Variants in MYO18B observed in about 807,000 individuals in gnomAD.
The protein encoded by MYO18B is unconventional myosin-XVIIIb.
In MYO18B, 204 loss-of-function variants were observed where a neutral mutation model predicts 273.0. That is an observed-to-expected ratio of 0.75 (90% CI 0.67 to 0.84). The LOEUF (loss-of-function observed/expected upper bound fraction) is 0.84. Ranked by LOEUF, MYO18B falls within the 40% of genes least tolerant of loss-of-function variation. The pLI, the probability that MYO18B is intolerant of heterozygous loss-of-function variation, is 0.00. For missense variants in MYO18B, 3,212 were observed against 3,287.6 expected, an observed-to-expected ratio of 0.98 and a Z score of 0.56; for synonymous variants, 1,330 against 1,305.7, an observed-to-expected ratio of 1.02 and a Z score of -0.40.
In MYO18B at chr22:25,793,220, A is replaced by T. The variant is rs531476213; in HGVS notation, c.2377-4733A>T. 1.2e-3 allele frequency among the ~76,000 whole-genome samples: 184 copies of T among 152,160 alleles called. 4 individuals carry two copies. Among genetic ancestry groups the T allele is most frequent in the South Asian group, 1.0e-2 (48 of 4,812 alleles). On this transcript the variant is annotated intron_variant, in intron 11 of 43. Coordinates refer to ENST00000335473, the MANE Select transcript of MYO18B (RefSeq NM_032608.7). ...ATAGCAGCCCTGGGAGGATGCTAAG[A>T]TATGATTTCCATTTTATTTATGTAT...
rs376348212 is a variant in MYO18B at position 25,828,882 on chromosome 22, G to A, written c.2893G>A (p.Glu965Lys). The change falls in exon 15 of 44, where the codon GAG (glutamate) becomes AAG (lysine). Residue 965 changes from glutamate (E) to lysine (K), a missense_variant. Physicochemically the swap from Glu to Lys is moderately conservative, Grantham distance 56. Transcript: ENST00000335473. ...CAAGGACCGGGCGGCCACCTTTGAG[G>A]AGCTGTGCCACAACTACGCCCATGA... ...QGKDRAATFE[E>K]LCHNYAHERL... 5.8e-5 allele frequency: 93 copies of A among 1,613,898 alleles called. 1 individual carries two copies. The highest frequency in any genetic ancestry group is 7.5e-5 in the Non-Finnish European group (88 of 1,179,908).
At chr22:25,748,155 G>T (rs750032531) in intron 1 of MYO18B, among the ~76,000 whole-genome samples, 3 of 152,186 alleles carry the variant, frequency 2.0e-5, no homozygotes, top group Admixed American at 2.0e-4. Context: ...AACTGGGGGC[G>T]GATTCCATCA....
downstream of MYO18B, among the ~76,000 whole-genome samples, chr22:26,035,473 A>G (rs1217154067): frequency 6.6e-6 from 1 of 152,196 alleles, no homozygotes; most frequent in Non-Finnish European, 1.5e-5. Flanking sequence ...TGCAGAAGAG[A>G]AGGAGACTGA....
intron 11 of MYO18B, among the ~76,000 whole-genome samples, chr22:25,792,497 CTTTTTTTT>C (rs58679561): frequency 1.9e-5 from 2 of 107,956 alleles, no homozygotes; most frequent in East Asian, 3.1e-4. Flanking sequence ...TTTTTCTTTT[CTTTTTTTT>C]TTTTTTTTGA....
Position 25,798,104 on chromosome 22 carries a change from C to T in MYO18B, c.2521+7C>T, listed in dbSNP as rs1342861213. 6.3e-7 allele frequency: 1 copy of T among 1,599,406 alleles called. No homozygotes were observed. The highest frequency in any genetic ancestry group is 8.6e-7 in the Non-Finnish European group (1 of 1,169,466). ...GCGGCGGGGGCCTGCAAAGGTACGT[C>T]CTTCCTGCCGGGCTCACCTGGGAGG... On this transcript the variant is annotated splice_region_variant and intron_variant, in intron 12 of 43. Coordinates refer to ENST00000335473, the MANE Select transcript of MYO18B (RefSeq NM_032608.7).
intron 11 of MYO18B, among the ~76,000 whole-genome samples, chr22:25,795,322 T>C (rs1393829026): frequency 1.3e-5 from 2 of 152,242 alleles, no homozygotes; most frequent in East Asian, 1.9e-4. Flanking sequence ...TATGACTGTT[T>C]TCATGATCCT....
At chr22:25,854,930 G>A (rs1343670015) in intron 21 of MYO18B, among the ~76,000 whole-genome samples, 1 of 152,128 alleles carries the variant, frequency 6.6e-6, no homozygotes, top group Non-Finnish European at 1.5e-5. Flanking sequence ...TGTTTGGGTT[G>A]ATTCCATGTT....
At chr22:26,043,690 A>G in the MYO18B span, among the ~76,000 whole-genome samples, 1 of 148,896 alleles carries the variant, frequency 6.7e-6, no homozygotes, top group African/African-American at 2.5e-5. Flanking sequence ...TTTTTTTTGT[A>G]TTTTTAGTAA....
intron 14 of MYO18B, among the ~76,000 whole-genome samples, chr22:25,828,338 T>C (rs1343759321): frequency 1.3e-5 from 2 of 152,160 alleles, no homozygotes; most frequent in Non-Finnish European, 2.9e-5. Context: ...CCCTGTTGTG[T>C]CCACCCCTAC....
intron 39 of MYO18B, 56 bp downstream of exon 39, chr22:25,955,420 A>AC (rs770522870): frequency 6.6e-6 from 10 of 1,520,892 alleles, no homozygotes; most frequent in Non-Finnish European, 8.0e-6. Context: ...AATGTGGTAG[A>AC]CCCCCCTTTC....
chr22:26,019,578 C>T (rs968870325), intron 42 of MYO18B, among the ~76,000 whole-genome samples: 2 of 152,220 alleles, frequency 1.3e-5, no homozygotes, highest in Non-Finnish European at 2.9e-5. Context: ...GGTGCCATGT[C>T]AACTTTTGTT....
the MYO18B span, among the ~76,000 whole-genome samples, chr22:26,061,778 A>C: frequency 6.6e-6 from 1 of 151,878 alleles, no homozygotes; most frequent in Non-Finnish European, 1.5e-5. Flanking sequence ...GCCTAGAATA[A>C]TAACTCCAAC....
intron 1 of MYO18B, among the ~76,000 whole-genome samples, chr22:25,752,831 G>A (rs2085975163): frequency 6.6e-6 from 1 of 152,298 alleles, no homozygotes; most frequent in East Asian, 1.9e-4. Flanking sequence ...AGGTGTGGAG[G>A]GAGGGACGCA....
intron 42 of MYO18B, among the ~76,000 whole-genome samples, chr22:26,007,696 A>G (rs1410874646): frequency 6.6e-6 from 1 of 152,210 alleles, no homozygotes; most frequent in African/African-American, 2.4e-5. Context: ...ATCCAGCCCA[A>G]CTTGCTCAGT....
Position 26,027,237 on chromosome 22 carries a change from T to C in MYO18B, c.7263T>C (p.Ser2421=), listed in dbSNP as rs1936321920. The C allele has an allele frequency of 2.5e-6, 4 of 1,613,926 alleles. No homozygotes were observed. The highest frequency in any genetic ancestry group is 2.5e-6 in the Non-Finnish European group (3 of 1,179,876). ...ACCTGATGGAGGAACCTCTAGGCAGTGACCCATTCAGCTGGAAACTCCCAA... is the reference window on the plus strand; with the variant it reads ...ACCTGATGGAGGAACCTCTAGGCAGCGACCCATTCAGCTGGAAACTCCCAA... The part of the protein sequence containing the change: ...FAHLMEEPLG[S]DPFSWKLPSL... Residue 2421 remains serine, a synonymous_variant, in exon 43 of 44, where the codon AGT becomes AGC. Coordinates refer to ENST00000335473, the MANE Select transcript of MYO18B (RefSeq NM_032608.7). The surrounding 1 kb of genome is among the most constrained non-coding windows in gnomAD (Gnocchi z 4.1).
At chr22:26,048,045 A>G in the MYO18B span, among the ~76,000 whole-genome samples, 1 of 152,112 alleles carries the variant, frequency 6.6e-6, no homozygotes, top group African/African-American at 2.4e-5. Context: ...TCTCAGCTTC[A>G]ACGTGCTTTG....
chr22:25,885,840 C>A (rs958692721), intron 25 of MYO18B, among the ~76,000 whole-genome samples: 3 of 152,168 alleles, frequency 2.0e-5, no homozygotes, highest in Admixed American at 1.3e-4. Context: ...TCTAGAGGGA[C>A]CCCCAAGGCC....
At chr22:25,826,261 G>A (rs1277125593) in intron 13 of MYO18B, 148 bp from the exon 14 acceptor site, 3 of 574,162 alleles carry the variant, frequency 5.2e-6, no homozygotes, top group Non-Finnish European at 6.1e-6. Context: ...TTTGTCCTAA[G>A]AACCTGGGGA....
Position 25,948,480 on chromosome 22 carries a change from TTCTTTC to T in MYO18B, c.5748+660_5748+665del, listed in dbSNP as rs1318370741. ...CTTCCTTCTTTCTTTCTTTCTTTCT[TTCTTTC>T]TCTTTCTTTCTTTCCTCTCTTTTCT... On this transcript the variant is annotated intron_variant, in intron 36 of 43. Transcript: ENST00000335473. 9.3e-3 allele frequency among the ~76,000 whole-genome samples: 1,180 copies of T among 126,314 alleles called. 24 individuals carry two copies. Among genetic ancestry groups the T allele is most frequent in the African/African-American group, 0.032 (1,132 of 35,482 alleles). 82.9% of individuals were successfully genotyped at this position (126,314 alleles called of 152,430 possible).
Sources: gnomAD v4.1 joint callset for allele counts (sites outside exome capture counted in the v4.1 genomes callset) on GRCh38, gnomAD v4.1.1 for gene constraint, Gnocchi (gnomAD v3.1) non-coding constraint, MANE v1.5 for transcripts, NCBI Gene and HGNC (gene_info 2026-07-23, HGNC 2026-07-21) for gene names.